Variants in RTN3 observed in about 807,000 individuals in gnomAD.
RTN3 encodes the protein reticulon-3.
Under a neutral mutation model 77.8 loss-of-function variants are expected in RTN3, and 49 were observed. The ratio of observed to expected loss-of-function variants is 0.63; its 90% confidence interval spans 0.50 to 0.80. RTN3 has a LOEUF of 0.80. Among genes scored for constraint, RTN3 ranks in the 30% least tolerant of loss-of-function variants. The pLI, the probability that RTN3 is intolerant of heterozygous loss-of-function variation, is 0.00. For missense variants in RTN3, 1,236 were observed against 1,211.9 expected (o/e 1.02, Z -0.29); for synonymous variants, 464 against 446.9 (o/e 1.04, Z -0.48).
At chr11:63,735,746 T>A (rs1357393712) in intron 3 of RTN3, among the ~76,000 whole-genome samples, 1 of 152,116 alleles carries the variant, frequency 6.6e-6, no homozygotes, top group Non-Finnish European at 1.5e-5. Context: ...CCCAGGTTGG[T>A]CTTGAACTCA....
intron 1 of RTN3, among the ~76,000 whole-genome samples, chr11:63,690,572 T>C (rs541545383): frequency 3.3e-5 from 5 of 152,324 alleles, no homozygotes; most frequent in African/African-American, 1.2e-4. Flanking sequence ...ATGCCCACGC[T>C]TTAAGATTTG....
chr11:63,695,072 T>TA (rs994319094), intron 1 of RTN3, among the ~76,000 whole-genome samples: 1 of 152,190 alleles, frequency 6.6e-6, no homozygotes, highest in Non-Finnish European at 1.5e-5. Context: ...AAAAATCTCT[T>TA]AGAGTTTGGG....
chr11:63,745,224 T>G (rs1297478553), intron 3 of RTN3, among the ~76,000 whole-genome samples: 1 of 152,212 alleles, frequency 6.6e-6, no homozygotes, highest in Non-Finnish European at 1.5e-5. Context: ...CTTGGAATCC[T>G]TAGTCTTCTG....
intron 1 of RTN3, among the ~76,000 whole-genome samples, chr11:63,694,428 G>A (rs762587144): frequency 5.3e-5 from 8 of 151,944 alleles, no homozygotes; most frequent in Admixed American, 3.3e-4. Flanking sequence ...TTCCTGCTTT[G>A]GCCTCCCAAA....
intron 1 of RTN3, among the ~76,000 whole-genome samples, chr11:63,696,505 C>G (rs1352815907): frequency 1.1e-4 from 16 of 149,682 alleles, no homozygotes; most frequent in Non-Finnish European, 2.4e-4. Flanking sequence ...CCCAGGAGTT[C>G]AAGACCAGCT....
intron 2 of RTN3, among the ~76,000 whole-genome samples, chr11:63,711,999 G>C (rs2011172130): frequency 6.6e-6 from 1 of 152,202 alleles, no homozygotes; most frequent in Non-Finnish European, 1.5e-5. Context: ...GCCAGGCTGG[G>C]CTCTCAAGCA....
chr11:63,744,056 A>G (rs1294141010), intron 3 of RTN3, among the ~76,000 whole-genome samples: 2 of 152,070 alleles, frequency 1.3e-5, no homozygotes, highest in Non-Finnish European at 2.9e-5. Context: ...AGCCTGGCCA[A>G]TATGGCAAAA....
chr11:63,750,242 G>C, intron 4 of RTN3, 44 bp downstream of exon 4: 1 of 1,507,670 alleles, frequency 6.6e-7, no homozygotes, highest in Non-Finnish European at 9.1e-7. Flanking sequence ...TTTAGTGGAA[G>C]GGTTCACTGA....
chr11:63,735,038 A>C (rs1334035395), intron 3 of RTN3, among the ~76,000 whole-genome samples: 1 of 151,864 alleles, frequency 6.6e-6, no homozygotes, highest in Non-Finnish European at 1.5e-5. Flanking sequence ...TAAAAAAAAA[A>C]CTTTTTTTGA....
chr11:63,682,055 A>G (rs749683842), intron 1 of RTN3, among the ~76,000 whole-genome samples: 1 of 152,268 alleles, frequency 6.6e-6, no homozygotes, highest in Non-Finnish European at 1.5e-5. Context: ...GGGGAAAAAT[A>G]CCAGCTCGTG....
At chr11:63,700,515 C>T (rs993717538) in intron 1 of RTN3, among the ~76,000 whole-genome samples, 3 of 151,296 alleles carry the variant, frequency 2.0e-5, no homozygotes, top group Non-Finnish European at 4.4e-5. Flanking sequence ...AGCTCCTGGG[C>T]GCAAGCGGTC....
In RTN3 at chr11:63,681,553, C is replaced by A; in HGVS notation, c.-84C>A. 1 of 1,374,312 alleles carries A rather than the reference C, an allele frequency of 7.3e-7. No individual in the cohort carries two copies. The highest frequency in any genetic ancestry group is 9.8e-7 in the Non-Finnish European group (1 of 1,019,674). 85.1% of individuals were successfully genotyped at this position (1,374,312 alleles called of 1,614,324 possible). A position where few individuals can be genotyped will look rare whatever the true frequency, so the allele number is the denominator to read the frequency against. Reference sequence around the variant, plus strand: ...GCGGAGTAAAGGGACTTGAGCGAGCCAGTTGCCGGATTATTCTATTTCCCC... The same window carrying A: ...GCGGAGTAAAGGGACTTGAGCGAGCAAGTTGCCGGATTATTCTATTTCCCC... On this transcript the variant is annotated 5_prime_UTR_variant, in exon 1 of 9. Transcript: ENST00000377819.
intron 1 of RTN3, among the ~76,000 whole-genome samples, chr11:63,696,881 C>CTTT (rs1193148114): frequency 1.2e-3 from 20 of 16,516 alleles, no homozygotes; most frequent in African/African-American, 2.6e-3. Flanking sequence ...TTCTTTCTTT[C>CTTT]TTTTTTTTTT....
At chr11:63,712,516 C>T (rs942400578) in intron 2 of RTN3, among the ~76,000 whole-genome samples, 1 of 136,782 alleles carries the variant, frequency 7.3e-6, no homozygotes, top group Non-Finnish European at 1.5e-5. Context: ...GATGGAGTCT[C>T]ACATTGTTGC....
intron 1 of RTN3, among the ~76,000 whole-genome samples, chr11:63,690,999 C>G (rs1941626078): frequency 6.6e-6 from 1 of 152,082 alleles, no homozygotes. Flanking sequence ...AAGAGAAACC[C>G]CATATCTGTT....
At chr11:63,741,209 A>T (rs7127892) in intron 3 of RTN3, among the ~76,000 whole-genome samples, 50,514 of 141,286 alleles carry the variant, frequency 0.36, 9,161 homozygotes, top group African/African-American at 0.52. Context: ...TTATTTATTT[A>T]TTTATTTTTT....
At chr11:63,733,081 G>A (rs562934403) in intron 3 of RTN3, among the ~76,000 whole-genome samples, 11 of 152,036 alleles carry the variant, frequency 7.2e-5, no homozygotes, top group African/African-American at 2.2e-4. Context: ...TTGGGAGGCC[G>A]AGGCAGGTGG....
chr11:63,726,899 T>C (rs898124296), intron 3 of RTN3, among the ~76,000 whole-genome samples: 29 of 143,524 alleles, frequency 2.0e-4, no homozygotes, highest in African/African-American at 7.4e-4. Context: ...GCCGAGTTTG[T>C]AGTTTGAAGG....
In RTN3 at chr11:63,719,327, G is replaced by A; in HGVS notation, c.825G>A (p.Trp275Ter). The change falls in exon 3 of 9, where the codon TGG becomes TGA. Residue 275 changes from tryptophan to a stop codon, truncating the protein, a stop_gained. Coordinates refer to ENST00000377819, the MANE Select transcript of RTN3 (RefSeq NM_001265589.2). LOFTEE classifies it high-confidence loss of function. ...AGAGCACAGATGATTTTGGTAGCTG[G>A]TCTGTGCACACTGATAAAGAATCAT... ...YKESTDDFGS[W>*]SVHTDKESSE... 1 of 1,614,126 alleles carries A rather than the reference G, an allele frequency of 6.2e-7. No homozygotes were observed. Among genetic ancestry groups the A allele is most frequent in the Non-Finnish European group, 8.5e-7 (1 of 1,180,030 alleles).
Sources: gnomAD v4.1 joint callset for allele counts (sites outside exome capture counted in the v4.1 genomes callset) on GRCh38, gnomAD v4.1.1 for gene constraint, MANE v1.5 for transcripts, NCBI Gene and HGNC (gene_info 2026-07-23, HGNC 2026-07-21) for gene names.